The following RAD23B variants were observed in gnomAD, a reference collection of about 807,000 sequenced individuals.
RAD23B encodes RAD23 nucleotide excision repair protein B.
Under a neutral mutation model 49.1 loss-of-function variants are expected in RAD23B, and 5 were observed. The observed-to-expected ratio is 0.10, with a 90% CI of 0.05 to 0.21. RAD23B has a LOEUF of 0.21. RAD23B is among the 10% of genes least tolerant of loss of function. RAD23B has a pLI of 1.00. For synonymous variants in RAD23B, 184 were observed against 165.4 expected (o/e 1.11, Z -0.86); for missense variants, 356 against 486.7 (o/e 0.73, Z 2.53).
chr9:107,285,826 A>G (rs987118134), intron 1 of RAD23B, among the ~76,000 whole-genome samples: 3 of 152,232 alleles, frequency 2.0e-5, no homozygotes, highest in Non-Finnish European at 4.4e-5. Context: ...TTTGCATTTA[A>G]TGACTTGTCA....
At chr9:107,296,913 G>A (rs1436980185) in intron 1 of RAD23B, among the ~76,000 whole-genome samples, 1 of 148,728 alleles carries the variant, frequency 6.7e-6, no homozygotes, top group Non-Finnish European at 1.5e-5. Context: ...GGAGTGCAGT[G>A]GCACAATTTC....
intron 1 of RAD23B, among the ~76,000 whole-genome samples, chr9:107,297,481 C>G (rs1826552577): frequency 6.6e-6 from 1 of 152,030 alleles, no homozygotes; most frequent in African/African-American, 2.4e-5. Flanking sequence ...GCTGGGATTA[C>G]AGGTGCCAGC....
At chr9:107,295,151 G>A (rs916637203) in intron 1 of RAD23B, among the ~76,000 whole-genome samples, 13 of 152,144 alleles carry the variant, frequency 8.5e-5, no homozygotes, top group African/African-American at 2.4e-4. Context: ...TTGTTTATCA[G>A]CACAGTATTG....
chr9:107,315,536 G>C (rs1386896049), intron 5 of RAD23B, among the ~76,000 whole-genome samples: 1 of 151,698 alleles, frequency 6.6e-6, no homozygotes, highest in Non-Finnish European at 1.5e-5. Flanking sequence ...TTGTTTTTGA[G>C]ACTCTCTCTC....
At chr9:107,320,048 C>T (rs1287304162) in intron 6 of RAD23B, among the ~76,000 whole-genome samples, 1 of 152,222 alleles carries the variant, frequency 6.6e-6, no homozygotes, top group Non-Finnish European at 1.5e-5. Flanking sequence ...CTGTTAAAAA[C>T]TCCTTTCAGG....
At position 107,286,061 on chromosome 9, in the gene RAD23B, A is replaced by G. The variant is rs550055313; in HGVS notation, c.66+2366A>G. On this transcript the variant is annotated intron_variant, in intron 1 of 9. Coordinates refer to ENST00000358015, the MANE Select transcript of RAD23B (RefSeq NM_002874.5). ...ATATTAGAAATAGATCTAAAATAAG[A>G]TAGGATCTTATTGAGACCTGTTTTT... 2.6e-5 allele frequency among the ~76,000 whole-genome samples: 4 copies of G among 152,318 alleles called. 1 individual carries two copies. In the South Asian group the frequency reaches 6.2e-4, roughly 24 times the overall value.
At chr9:107,324,733 A>G in intron 8 of RAD23B, 101 bp from the exon 9 acceptor site, 1 of 1,228,964 alleles carries the variant, frequency 8.1e-7, no homozygotes, top group Non-Finnish European at 1.1e-6. Context: ...TTACGTTTGC[A>G]AAAGTGTAGC....
chr9:107,283,465 G>T lies in RAD23B; in HGVS notation c.-165G>T, dbSNP rs961305744. On this transcript the variant is annotated 5_prime_UTR_variant, in exon 1 of 10. Coordinates refer to ENST00000358015, the MANE Select transcript of RAD23B (RefSeq NM_002874.5). ...CGGCGCGGTCCGGGGCACGGGCTGG[G>T]GGAGAGGCCGCTCCGCTGGGCGAAT... 1 of 488,688 alleles carries T rather than the reference G, an allele frequency of 2.0e-6. No homozygotes were observed. The highest frequency in any genetic ancestry group is 4.4e-5 in the Admixed American group (1 of 22,930). 30.3% of individuals were successfully genotyped at this position (488,688 alleles called of 1,614,324 possible).
At chr9:107,300,015 A>G in intron 1 of RAD23B, 126 bp from the exon 2 acceptor site, 8 of 1,210,562 alleles carry the variant, frequency 6.6e-6, no homozygotes, top group Non-Finnish European at 8.9e-6. Context: ...GAAAAACATA[A>G]TATTTGAGGT....
chr9:107,310,683 T>G (rs1826872407), intron 4 of RAD23B, among the ~76,000 whole-genome samples: 1 of 152,194 alleles, frequency 6.6e-6, no homozygotes, highest in South Asian at 2.1e-4. Flanking sequence ...ATGAAGAACT[T>G]AAATTATACC....
At chr9:107,284,427 T>G (rs1587843145) in intron 1 of RAD23B, among the ~76,000 whole-genome samples, 1 of 151,862 alleles carries the variant, frequency 6.6e-6, no homozygotes, top group East Asian at 1.9e-4. Context: ...ATTGTAGGAG[T>G]TGGAACGCTG....
rs1439487999 is a variant in RAD23B, at chr9:107,302,192, G to A, written c.228+78G>A. 1.9e-6 allele frequency: 3 copies of A among 1,593,110 alleles called. No homozygotes were observed. The East Asian group carries it at 6.7e-5, about 36-fold the overall frequency. ...ATGATGATCACAAGTCCACACAATG[G>A]ACACAGTTTATACACATCCATAGTG... On this transcript the variant is annotated intron_variant, in intron 3 of 9. Coordinates refer to ENST00000358015, the MANE Select transcript of RAD23B (RefSeq NM_002874.5).
At chr9:107,316,579 T>C (rs1169974855) in intron 5 of RAD23B, among the ~76,000 whole-genome samples, 1 of 152,194 alleles carries the variant, frequency 6.6e-6, no homozygotes, top group Non-Finnish European at 1.5e-5. Flanking sequence ...TTAAAATTTA[T>C]TGTTTTATGG....
intron 1 of RAD23B, among the ~76,000 whole-genome samples, chr9:107,299,768 G>A (rs1826609277): frequency 6.6e-6 from 1 of 152,240 alleles, no homozygotes; most frequent in South Asian, 2.1e-4. Context: ...TCTTATTGTT[G>A]ATGAGACTGT....
intron 1 of RAD23B, among the ~76,000 whole-genome samples, chr9:107,298,970 G>A (rs1450622365): frequency 6.6e-6 from 1 of 152,054 alleles, no homozygotes; most frequent in Admixed American, 6.6e-5. Context: ...ACCCATTTCA[G>A]GAAGATCAGT....
In RAD23B at chr9:107,322,012, T is replaced by C. The variant is rs772005931; in HGVS notation, c.711T>C (p.Ala237=). ...TCCCTGGAGATAGAGAAAGTCAGGCTGTGGTTGACCCCCCTCAAGCAGCTA... is the reference window on the plus strand; with the variant it reads ...TCCCTGGAGATAGAGAAAGTCAGGCCGTGGTTGACCCCCCTCAAGCAGCTA... The part of the protein sequence containing the change: ...MGIPGDRESQ[A]VVDPPQAAST... The change falls in exon 7 of 10, where the codon GCT becomes GCC. Residue 237 remains alanine (A), a synonymous_variant. Coordinates refer to ENST00000358015, the MANE Select transcript of RAD23B (RefSeq NM_002874.5). 210 of 1,612,470 alleles carry C rather than the reference T, an allele frequency of 1.3e-4. No homozygotes were observed. The highest frequency in any genetic ancestry group is 2.2e-5 in the Non-Finnish European group (26 of 1,179,424).
intron 6 of RAD23B, among the ~76,000 whole-genome samples, chr9:107,319,131 T>TTTC (rs1554743443): frequency 4.0e-5 from 5 of 125,886 alleles, no homozygotes; most frequent in South Asian, 5.5e-4. Context: ...CTTTTTTCTT[T>TTTC]TTTTTTTTTT....
intron 1 of RAD23B, among the ~76,000 whole-genome samples, chr9:107,290,991 A>G (rs1833373895): frequency 6.6e-6 from 1 of 152,360 alleles, no homozygotes; most frequent in African/African-American, 2.4e-5. Flanking sequence ...GTAAGTTTAG[A>G]TAAATAAATG....
At chr9:107,306,045 T>TTA (rs1374828264) in intron 3 of RAD23B, among the ~76,000 whole-genome samples, 380 of 26,746 alleles carry the variant, frequency 0.014, 9 homozygotes, top group African/African-American at 0.044. Flanking sequence ...ATGATACGGT[T>TTA]TATATCTATA....
Sources: allele counts gnomAD v4.1 joint callset (sites outside exome capture counted in the v4.1 genomes callset), GRCh38; gene constraint gnomAD v4.1.1; transcripts MANE v1.5; gene names NCBI Gene and HGNC (gene_info 2026-07-23, HGNC 2026-07-21).